Variants in SLC4A7 observed in about 807,000 individuals in gnomAD.
SLC4A7 encodes solute carrier family 4 member 7.
SLC4A7 carries 51 observed loss-of-function variants against 137.6 expected under a neutral mutation model. The observed-to-expected ratio is 0.37, with a 90% CI of 0.30 to 0.47. SLC4A7 has a LOEUF of 0.47. Ranked by LOEUF, SLC4A7 falls within the 20% of genes least tolerant of loss-of-function variation. SLC4A7 has a pLI of 1.00. For synonymous variants in SLC4A7, 542 were observed against 518.6 expected (o/e 1.05, Z -0.61); for missense variants, 1,247 against 1,525.4 (o/e 0.82, Z 3.04).
rs561223582 is a variant in SLC4A7 at position 27,419,160 on chromosome 3, C to T, written c.1513-528G>A. Among the ~76,000 whole-genome samples the T allele has an allele frequency of 5.9e-5, 9 of 151,710 alleles. No homozygotes were observed. The South Asian group carries it at 6.3e-4, about 11-fold the overall frequency. On this transcript the variant is annotated intron_variant, in intron 10 of 25. Transcript: ENST00000454389. ...TTCTAGGAGGAAAAACAGTGAAACGCGTTATTAAATAAATAAATAATTATA... is the reference window on the plus strand; with the variant it reads ...TTCTAGGAGGAAAAACAGTGAAACGTGTTATTAAATAAATAAATAATTATA...
chr3:27,397,331 T>C (rs2052288127), intron 18 of SLC4A7, among the ~76,000 whole-genome samples: 2 of 151,588 alleles, frequency 1.3e-5, no homozygotes, highest in African/African-American at 4.9e-5. Flanking sequence ...TACTTCTTTA[T>C]AAAAAAATAA....
intron 22 of SLC4A7, among the ~76,000 whole-genome samples, chr3:27,389,520 T>C (rs375788945): frequency 2.1e-4 from 32 of 152,316 alleles, no homozygotes; most frequent in African/African-American, 7.5e-4. Flanking sequence ...TATTGTCTTA[T>C]TAAAGTCATC....
At chr3:27,392,816 ACT>A (rs2051712875) in intron 20 of SLC4A7, among the ~76,000 whole-genome samples, 1 of 151,888 alleles carries the variant, frequency 6.6e-6, no homozygotes, top group Non-Finnish European at 1.5e-5. Context: ...ATGGAGTGAG[ACT>A]CTGTCTCAAA....
At chr3:27,381,728 GGAAA>G (rs2050435684) in intron 24 of SLC4A7, among the ~76,000 whole-genome samples, 1 of 152,150 alleles carries the variant, frequency 6.6e-6, no homozygotes, top group Non-Finnish European at 1.5e-5. Flanking sequence ...CAACTGGTCA[GGAAA>G]GAAACCTGTA....
chr3:27,440,371 C>T (rs964696319), intron 3 of SLC4A7, among the ~76,000 whole-genome samples: 1 of 152,096 alleles, frequency 6.6e-6, no homozygotes, highest in Non-Finnish European at 1.5e-5. Flanking sequence ...CCTCCTCTTA[C>T]TAAGGATCCC....
Position 27,437,397 on chromosome 3 carries a change from T to G in SLC4A7, c.419A>C (p.Glu140Ala). Residue 140 changes from glutamate (E) to alanine (A), a missense_variant, in exon 4 of 26, where the codon GAA becomes GCA. Transcript: ENST00000454389. ...YRDGEEYEWK[E>A]TARWLKFEED... is the part of the protein sequence containing the mutation. Reference sequence around the variant, plus strand: ...GACTTAGCAGTATTACCTAGCAGTTTCTTTCCATTCATATTCTTCTCCATC... The same window carrying G: ...GACTTAGCAGTATTACCTAGCAGTTGCTTTCCATTCATATTCTTCTCCATC... The G allele has an allele frequency of 6.3e-7, 1 of 1,578,170 alleles. No homozygotes were observed. Among genetic ancestry groups the G allele is most frequent in the Non-Finnish European group, 8.6e-7 (1 of 1,166,238 alleles).
At chr3:27,443,523 C>T (rs1202762910) in intron 3 of SLC4A7, among the ~76,000 whole-genome samples, 2 of 151,516 alleles carry the variant, frequency 1.3e-5, no homozygotes, top group Non-Finnish European at 2.9e-5. Flanking sequence ...TTTATTCATT[C>T]TCCTGGAATT....
Position 27,383,210 on chromosome 3 carries a change from T to C in SLC4A7, c.3533A>G (p.His1178Arg). ...RMLQDDDDTV[H>R]LPFEGGSLLQ... ...GAGACTTCCCCCTTCAAATGGAAGG[T>C]GCACAGTATCATCATCATCTTGAAG... The change falls in exon 24 of 26, where the codon CAC becomes CGC. Residue 1178 changes from histidine to arginine, a missense_variant. His to Arg is a conservative substitution (Grantham distance 29, BLOSUM62 0). Around this residue, in one of 6 missense-constraint regions of SLC4A7, gnomAD observed 290 missense variants for 323.8 expected, o/e 0.90. Transcript: ENST00000454389. 6.2e-7 allele frequency: 1 copy of C among 1,613,406 alleles called. No individual in the cohort carries two copies. Among genetic ancestry groups the C allele is most frequent in the African/African-American group, 1.3e-5 (1 of 75,046 alleles).
rs182878849 is a variant in SLC4A7 at position 27,430,730 on chromosome 3, C to A, written c.1150+568G>T. On this transcript the variant is annotated intron_variant, in intron 7 of 25. Transcript: ENST00000454389. Reference sequence around the variant, plus strand: ...CCTGTAGTCCCAGCTACTCAGGAGGCTGAGGCCATGAGAATCACTTGAACC... The same window carrying A: ...CCTGTAGTCCCAGCTACTCAGGAGGATGAGGCCATGAGAATCACTTGAACC... Among the ~76,000 whole-genome samples the A allele has an allele frequency of 2.4e-4, 36 of 151,772 alleles. No homozygotes were observed. In the East Asian group the frequency reaches 4.1e-3, roughly 17 times the overall value.
At chr3:27,439,619 G>A (rs2057030064) in intron 3 of SLC4A7, among the ~76,000 whole-genome samples, 1 of 152,066 alleles carries the variant, frequency 6.6e-6, no homozygotes, top group Non-Finnish European at 1.5e-5. Context: ...GTTCTCTTAA[G>A]TATTGTAGAT....
intron 3 of SLC4A7, among the ~76,000 whole-genome samples, chr3:27,447,691 C>T (rs1350425046): frequency 2.1e-5 from 3 of 142,166 alleles, no homozygotes. Context: ...CTCTCAGGGC[C>T]ACTTAAAACA....
At chr3:27,465,043 A>C (rs953945344) in intron 1 of SLC4A7, among the ~76,000 whole-genome samples, 6 of 152,038 alleles carry the variant, frequency 3.9e-5, no homozygotes, top group African/African-American at 1.4e-4. Context: ...TTTTTCTACA[A>C]CACCAGCACT....
intron 3 of SLC4A7, among the ~76,000 whole-genome samples, chr3:27,447,953 T>G (rs1290373354): frequency 6.6e-6 from 1 of 152,132 alleles, no homozygotes; most frequent in Admixed American, 6.5e-5. Context: ...GGCTCACACC[T>G]GTAATCCCAG....
intron 2 of SLC4A7, among the ~76,000 whole-genome samples, 193 bp downstream of exon 2, chr3:27,452,224 T>G (rs2058118882): frequency 6.6e-6 from 1 of 152,120 alleles, no homozygotes; most frequent in Admixed American, 6.6e-5. Flanking sequence ...TAACCATCAC[T>G]AAATTTTGAG....
intron 5 of SLC4A7, 29 bp from the exon 6 acceptor site, chr3:27,434,133 T>C: frequency 6.6e-7 from 1 of 1,512,456 alleles, no homozygotes; most frequent in African/African-American, 1.4e-5. Flanking sequence ...AATAAATTAC[T>C]AAACACTCAG....
At chr3:27,438,527 CAAAAT>C (rs141000029) in intron 3 of SLC4A7, among the ~76,000 whole-genome samples, 8 of 149,504 alleles carry the variant, frequency 5.4e-5, no homozygotes, top group African/African-American at 1.2e-4. Flanking sequence ...TAAAATAACA[CAAAAT>C]AAAATAAAAT....
Position 27,434,068 on chromosome 3 carries a change from AATT to A in SLC4A7, c.623_625del (p.Gln208del). 1 of 1,613,414 alleles carries A rather than the reference AATT, an allele frequency of 6.2e-7. No homozygotes were observed. The highest frequency in any genetic ancestry group is 2.2e-5 in the East Asian group (1 of 44,806). Reference sequence around the variant, plus strand: ...GACATTCTCTCGTATGGACTCGTCTAATTGGCCAGAAGCTATCATGTTGTCTAA... The same window carrying A: ...GACATTCTCTCGTATGGACTCGTCTAGGCCAGAAGCTATCATGTTGTCTAA... On this transcript the variant is annotated inframe_deletion, in exon 6 of 26. Coordinates refer to ENST00000454389, the MANE Select transcript of SLC4A7 (RefSeq NM_001321103.2).
intron 1 of SLC4A7, among the ~76,000 whole-genome samples, chr3:27,463,789 A>G (rs2058827752): frequency 6.6e-6 from 1 of 152,100 alleles, no homozygotes; most frequent in South Asian, 2.1e-4. Flanking sequence ...AATTGGTGAG[A>G]TGGGCAGCCT....
chr3:27,413,158 C>A (rs1388343720), intron 11 of SLC4A7, among the ~76,000 whole-genome samples: 2 of 152,046 alleles, frequency 1.3e-5, no homozygotes, highest in Admixed American at 1.3e-4. Context: ...ACATATAACT[C>A]CATGCAAATA....
Sources: allele counts gnomAD v4.1 joint callset (sites outside exome capture counted in the v4.1 genomes callset), GRCh38; gene constraint gnomAD v4.1.1; regional missense constraint gnomAD v4.1.1; transcripts MANE v1.5; gene names NCBI Gene and HGNC (gene_info 2026-07-23, HGNC 2026-07-21).